PTPRM: variants seen among roughly 807,000 people sequenced by gnomAD.
PTPRM encodes receptor-type tyrosine-protein phosphatase mu.
A neutral mutation model predicts 186.7 loss-of-function variants in PTPRM; 47 were observed. The ratio of observed to expected loss-of-function variants is 0.25; its 90% CI spans 0.20 to 0.32. The LOEUF (loss-of-function observed/expected upper bound fraction) is 0.32, where lower values mean the gene tolerates loss of function less well. Among genes scored for constraint, PTPRM ranks in the 10% least tolerant of loss-of-function variants. The probability of loss-of-function intolerance (pLI) is 1.00; values close to 1 mark genes in which losing one functional copy is unlikely to be tolerated. For synonymous variants in PTPRM, 668 were observed against 674.9 expected, an observed-to-expected ratio of 0.99 and a Z score of 0.16; for missense variants, 1,494 against 1,865.0, an observed-to-expected ratio of 0.80 and a Z score of 3.66.
Position 7,793,255 on chromosome 18 carries a change from C to T in PTPRM, c.196+18984C>T, listed in dbSNP as rs1019259401. ...GCACCCTGACTTCACCTCCTCACTA[C>T]GTGACCTCATTCAGGTTACTGACTT... On this transcript the variant is annotated intron_variant, in intron 2 of 32. Transcript: ENST00000580170. 9.2e-5 allele frequency among the ~76,000 whole-genome samples: 14 copies of T among 152,310 alleles called. No individual in the cohort carries two copies. In the South Asian group the frequency reaches 1.5e-3, roughly 16 times the overall value.
At chr18:7,753,529 T>A (rs2041325792) in intron 1 of PTPRM, among the ~76,000 whole-genome samples, 1 of 152,102 alleles carries the variant, frequency 6.6e-6, no homozygotes, top group Admixed American at 6.6e-5. Flanking sequence ...GCACAGTACA[T>A]CCTATATGGT....
chr18:8,279,987 G>A (rs375427287), intron 19 of PTPRM, among the ~76,000 whole-genome samples: 23 of 152,300 alleles, frequency 1.5e-4, no homozygotes, highest in African/African-American at 5.3e-4. Context: ...TTGGCATTCA[G>A]GGTTACACAT....
intron 23 of PTPRM, among the ~76,000 whole-genome samples, chr18:8,347,403 G>T (rs1249815068): frequency 6.6e-6 from 1 of 152,158 alleles, no homozygotes; most frequent in Non-Finnish European, 1.5e-5. Flanking sequence ...GAAAGATGAG[G>T]ACAGCATAGT....
At chr18:8,153,335 A>C (rs1443750029) in intron 14 of PTPRM, among the ~76,000 whole-genome samples, 1 of 152,190 alleles carries the variant, frequency 6.6e-6, no homozygotes, top group Non-Finnish European at 1.5e-5. Context: ...TTAATTCATG[A>C]TTCTACCTGG....
intron 1 of PTPRM, among the ~76,000 whole-genome samples, chr18:7,699,567 C>T (rs1343472776): frequency 6.6e-6 from 1 of 152,044 alleles, no homozygotes; most frequent in African/African-American, 2.4e-5. Flanking sequence ...TGCCACCACA[C>T]CTGGCTAATT....
At chr18:8,130,802 G>A (rs1028634984) in intron 13 of PTPRM, among the ~76,000 whole-genome samples, 47 of 152,212 alleles carry the variant, frequency 3.1e-4, no homozygotes, top group African/African-American at 1.0e-3. Context: ...AGTTTAGAAA[G>A]CATGTACACA....
At chr18:8,268,228 ATTTG>A (rs1355613876) in intron 19 of PTPRM, among the ~76,000 whole-genome samples, 1 of 152,138 alleles carries the variant, frequency 6.6e-6, no homozygotes, top group East Asian at 1.9e-4. Flanking sequence ...TTATGCCTCC[ATTTG>A]TTTGGATCTT....
intron 31 of PTPRM, among the ~76,000 whole-genome samples, chr18:8,387,655 TC>T (rs2095785411): frequency 6.6e-6 from 1 of 152,134 alleles, no homozygotes; most frequent in South Asian, 2.1e-4. Context: ...CAGGGCTCCT[TC>T]CCACCAGCCA....
intron 2 of PTPRM, among the ~76,000 whole-genome samples, chr18:7,876,089 G>A (rs562577281): frequency 5.9e-5 from 9 of 151,460 alleles, no homozygotes; most frequent in South Asian, 2.1e-4. Context: ...TCCATCTTTC[G>A]CCAAAATGTC....
intron 7 of PTPRM, among the ~76,000 whole-genome samples, chr18:8,066,125 T>G (rs545193937): frequency 1.1e-3 from 167 of 152,198 alleles, no homozygotes; most frequent in Non-Finnish European, 2.2e-3. Flanking sequence ...CAGAATTTAA[T>G]TTTGCAAAAT....
chr18:8,194,941 A>G (rs893797400), intron 14 of PTPRM, among the ~76,000 whole-genome samples: 2 of 152,056 alleles, frequency 1.3e-5, no homozygotes, highest in Non-Finnish European at 1.5e-5. Flanking sequence ...CTTCTCAGGA[A>G]TCAAAGAAGG....
chr18:8,287,536 G>A lies in PTPRM; in HGVS notation c.2755-8832G>A, dbSNP rs552803791. ...CAATAATGCAGGCAAGAGATGGGTTGGAGGCTGCTCTCCAAAGGAAGGGAG... is the reference window on the plus strand; with the variant it reads ...CAATAATGCAGGCAAGAGATGGGTTAGAGGCTGCTCTCCAAAGGAAGGGAG... On this transcript the variant is annotated intron_variant, in intron 19 of 32. Transcript: ENST00000580170. Among the ~76,000 whole-genome samples the A allele has an allele frequency of 1.2e-4, 19 of 152,290 alleles. No individual in the cohort carries two copies. In the South Asian group the frequency reaches 3.9e-3, roughly 32 times the overall value.
intron 2 of PTPRM, among the ~76,000 whole-genome samples, chr18:7,795,075 G>GTGATCA (rs1451419552): frequency 6.6e-6 from 1 of 152,148 alleles, no homozygotes; most frequent in Non-Finnish European, 1.5e-5. Flanking sequence ...CTTTTTCCTT[G>GTGATCA]TGATCACCAG....
chr18:7,995,327 CA>C (rs2083477100), intron 7 of PTPRM, among the ~76,000 whole-genome samples: 1 of 152,048 alleles, frequency 6.6e-6, no homozygotes, highest in Admixed American at 6.6e-5. Flanking sequence ...ATGGCTTTAC[CA>C]CTGAATTCTA....
intron 7 of PTPRM, among the ~76,000 whole-genome samples, chr18:8,063,271 C>G (rs138745938): frequency 0.03 from 4,540 of 151,082 alleles, 112 homozygotes; most frequent in African/African-American, 0.051. Context: ...AACTCCCTGA[C>G]CCCTTGCGCT....
At chr18:8,231,347 T>C (rs2094283665) in intron 14 of PTPRM, among the ~76,000 whole-genome samples, 2 of 152,138 alleles carry the variant, frequency 1.3e-5, no homozygotes, top group African/African-American at 4.8e-5. Flanking sequence ...CCTGCTCCTC[T>C]CCCAATTGCC....
intron 7 of PTPRM, among the ~76,000 whole-genome samples, chr18:7,981,955 T>G (rs2082576839): frequency 6.6e-6 from 1 of 152,200 alleles, no homozygotes; most frequent in Non-Finnish European, 1.5e-5. Flanking sequence ...GAATGGAGCT[T>G]GCAGGACTAG....
At chr18:8,344,491 C>A (rs954428249) in intron 23 of PTPRM, among the ~76,000 whole-genome samples, 1 of 136,476 alleles carries the variant, frequency 7.3e-6, no homozygotes, top group African/African-American at 2.9e-5. Context: ...AAAAATGGCA[C>A]ATTAACCTGA....
chr18:8,243,594 T>C (rs1450512786), intron 14 of PTPRM, among the ~76,000 whole-genome samples: 2 of 152,250 alleles, frequency 1.3e-5, no homozygotes, highest in East Asian at 3.8e-4. Flanking sequence ...TTTAACAATG[T>C]GCCTTTTAGA....
Sources: gnomAD v4.1 joint callset for allele counts (sites outside exome capture counted in the v4.1 genomes callset) on GRCh38, gnomAD v4.1.1 for gene constraint, MANE v1.5 for transcripts, NCBI Gene and HGNC (gene_info 2026-07-23, HGNC 2026-07-21) for gene names.